The following RP1L1 variants were observed in gnomAD, a reference collection of about 807,000 sequenced individuals.
The protein encoded by RP1L1 is retinitis pigmentosa 1-like 1 protein.
In RP1L1, 27 loss-of-function variants were observed where a neutral mutation model predicts 15.7. The ratio of observed to expected loss-of-function variants is 1.72; its 90% CI spans 1.27 to 2.38. The LOEUF (loss-of-function observed/expected upper bound fraction) is 2.38. RP1L1 is among the 30% of genes most tolerant of loss of function. The pLI is 0.00. For synonymous variants in RP1L1, 1,813 were observed against 1,276.7 expected, an observed-to-expected ratio of 1.42 and a Z score of -8.96; for missense variants, 4,798 against 3,075.9, an observed-to-expected ratio of 1.56 and a Z score of -13.24.
At position 10,610,905 on chromosome 8, in the gene RP1L1, G is replaced by A. The variant is rs1454207117; in HGVS notation, c.3193C>T (p.Pro1065Ser). 1 of 1,610,882 alleles carries A rather than the reference G, an allele frequency of 6.2e-7. No individual in the cohort carries two copies. The change falls in exon 4 of 4, where the codon CCA becomes TCA. Residue 1065 changes from proline (P) to serine (S), a missense_variant. By Grantham distance (74) the Pro-to-Ser change is moderately conservative (BLOSUM62 -1). Transcript: ENST00000382483. ...PAEAGADREAPAGCRVSLRAL... is the reference protein window; with the variant it reads ...PAEAGADREASAGCRVSLRAL... ...CGCAGGCTCACCCTGCAGCCTGCTGGGGCCTCTCTGTCTGCTCCGGCCTCT... is the reference window on the plus strand; with the variant it reads ...CGCAGGCTCACCCTGCAGCCTGCTGAGGCCTCTCTGTCTGCTCCGGCCTCT...
chr8:10,609,303 G>A lies in RP1L1; in HGVS notation c.4795C>T (p.Leu1599=). Reference sequence around the variant, plus strand: ...CTGCGCTGCTGGGTCTGCAGGAGCAGCTCCCCGGTGAGGGCCTCCCTTGGA... The same window carrying A: ...CTGCGCTGCTGGGTCTGCAGGAGCAACTCCCCGGTGAGGGCCTCCCTTGGA... ...EPPREALTGE[L]LLQTQQRRHR... is the part of the protein sequence containing the mutation. Residue 1599 remains leucine (L), a synonymous_variant, in exon 4 of 4, where the codon CTG becomes TTG. Coordinates refer to ENST00000382483, the MANE Select transcript of RP1L1 (RefSeq NM_178857.6). 1 of 1,611,174 alleles carries A rather than the reference G, an allele frequency of 6.2e-7. No individual in the cohort carries two copies. The highest frequency in any genetic ancestry group is 8.5e-7 in the Non-Finnish European group (1 of 1,179,714).
At position 10,612,738 on chromosome 8, in the gene RP1L1, T is replaced by G. The variant is rs1797889924; in HGVS notation, c.1360A>C (p.Ser454Arg). The G allele has an allele frequency of 6.2e-7, 1 of 1,607,076 alleles. No individual in the cohort carries two copies. Among genetic ancestry groups the G allele is most frequent in the African/African-American group, 1.3e-5 (1 of 74,898 alleles). Residue 454 changes from serine to arginine, a missense_variant, in exon 4 of 4, where the codon AGC (serine) becomes CGC (arginine). Physicochemically the swap from Ser to Arg is moderately radical, Grantham distance 110. Transcript: ENST00000382483. Reference sequence around the variant, plus strand: ...GGGAGGCCGGTGCTGGAGGCTGGGCTGGCACTGTCCTGGCTGCATCTCTCC... The same window carrying G: ...GGGAGGCCGGTGCTGGAGGCTGGGCGGGCACTGTCCTGGCTGCATCTCTCC... ...GRERCSQDSA[S>R]PASSTGLPEG...
At chr8:10,629,201 T>A (rs1036171462) in intron 1 of RP1L1, among the ~76,000 whole-genome samples, 33 of 152,070 alleles carry the variant, frequency 2.2e-4, no homozygotes, top group Non-Finnish European at 7.4e-5. Flanking sequence ...AGGAAACATA[T>A]AAACAGCCAA....
chr8:10,610,248 T>G lies in RP1L1; in HGVS notation c.3850A>C (p.Arg1284=). The G allele has an allele frequency of 6.2e-7, 1 of 1,613,980 alleles. No individual in the cohort carries two copies. The highest frequency in any genetic ancestry group is 1.1e-5 in the South Asian group (1 of 91,060). Residue 1284 remains arginine, a synonymous_variant, in exon 4 of 4, where the codon AGG becomes CGG. Coordinates refer to ENST00000382483, the MANE Select transcript of RP1L1 (RefSeq NM_178857.6). ...DEAERDSEEQ[R]ASSNLEQLAE... ...AACTGCTCCAGGTTCGAGCTCGCCC[T>G]CTGCTCCTCACTGTCTCTTTCTGCT... is the stretch of plus-strand genomic sequence containing the variant.
In RP1L1 at chr8:10,608,503, C is replaced by G. The variant is rs907076395; in HGVS notation, c.5595G>C (p.Gly1865=). ...CATCTTCTGACTCTGGCTGGGCCTCCCCTTCAGCCTCCTGGGCATCCCCTT... is the reference window on the plus strand; with the variant it reads ...CATCTTCTGACTCTGGCTGGGCCTCGCCTTCAGCCTCCTGGGCATCCCCTT... ...EAEGDAQEAE[G]EAQPESEDVE... Residue 1865 remains glycine (G), a synonymous_variant, in exon 4 of 4, where the codon GGG becomes GGC. Coordinates refer to ENST00000382483, the MANE Select transcript of RP1L1 (RefSeq NM_178857.6). 5 of 1,311,024 alleles carry G rather than the reference C, an allele frequency of 3.8e-6. No homozygotes were observed. The highest frequency in any genetic ancestry group is 3.2e-6 in the Non-Finnish European group (3 of 927,696). The allele number at this position is 1,311,024 out of a possible 1,614,324, so 81.2% of individuals were successfully genotyped here.
At chr8:10,653,046 G>A (rs978383704) in intron 1 of RP1L1, among the ~76,000 whole-genome samples, 6 of 152,158 alleles carry the variant, frequency 3.9e-5, no homozygotes, top group African/African-American at 1.4e-4. Context: ...TGTGTGGCTG[G>A]GTTGTATCAG....
At chr8:10,643,885 C>T (rs551586266) in intron 1 of RP1L1, among the ~76,000 whole-genome samples, 2 of 151,820 alleles carry the variant, frequency 1.3e-5, no homozygotes, top group African/African-American at 4.8e-5. Flanking sequence ...CAGAGTGTTA[C>T]CAGAAACTGA....
chr8:10,655,058 G>A lies in RP1L1; in HGVS notation c.-180C>T, dbSNP rs1304104202. The stretch of plus-strand genomic sequence containing the variant: ...CACCCTCCTCCGGACAGTCCTCGGG[G>A]CCACTCTCCTTGGCCTGAGAGCCTG... On this transcript the variant is annotated 5_prime_UTR_variant, in exon 1 of 4. Transcript: ENST00000382483. 6.5e-6 allele frequency: 1 copy of A among 152,756 alleles called. No individual in the cohort carries two copies. Among genetic ancestry groups the A allele is most frequent in the Non-Finnish European group, 1.5e-5 (1 of 68,146 alleles). The allele number at this position is 152,756 out of a possible 1,614,324, so 9.5% of individuals were successfully genotyped here.
chr8:10,622,008 T>C (rs1307606985), intron 2 of RP1L1, among the ~76,000 whole-genome samples: 3 of 152,168 alleles, frequency 2.0e-5, no homozygotes, highest in Non-Finnish European at 4.4e-5. Context: ...TAATAGGTTA[T>C]TGGATAAGAC....
At position 10,612,318 on chromosome 8, in the gene RP1L1, G is replaced by A. The variant is rs533607765; in HGVS notation, c.1780C>T (p.Gln594Ter). Residue 594 changes from glutamine (Q) to a stop codon, truncating the protein, a stop_gained, in exon 4 of 4, where the codon CAA becomes TAA. Transcript: ENST00000382483. LOFTEE classifies it low-confidence loss of function (END_TRUNC). ...GTGGCCTGCTCGGTGCCCTGTCCTTGCGTCTCTGCCTGCAGGTCGTCACTC... is the reference window on the plus strand; with the variant it reads ...GTGGCCTGCTCGGTGCCCTGTCCTTACGTCTCTGCCTGCAGGTCGTCACTC... ...LRSDDLQAET[Q>*]GQGTEQATGA... is the part of the protein sequence containing the mutation. 6 of 1,613,202 alleles carry A rather than the reference G, an allele frequency of 3.7e-6. No homozygotes were observed. Among genetic ancestry groups the A allele is most frequent in the Non-Finnish European group, 4.2e-6 (5 of 1,180,018 alleles).
chr8:10,635,900 C>T (rs1163966483), intron 1 of RP1L1, among the ~76,000 whole-genome samples: 1 of 152,220 alleles, frequency 6.6e-6, no homozygotes, highest in African/African-American at 2.4e-5. Context: ...TGGAAGATCC[C>T]CCGGGTCAGT....
chr8:10,654,012 T>C (rs559624338), intron 1 of RP1L1, among the ~76,000 whole-genome samples: 1 of 152,236 alleles, frequency 6.6e-6, no homozygotes, highest in South Asian at 2.1e-4. Flanking sequence ...GGGGATGAGC[T>C]GGCTGTGGGG....
chr8:10,620,366 G>C (rs1472898680), intron 2 of RP1L1, among the ~76,000 whole-genome samples: 1 of 152,152 alleles, frequency 6.6e-6, no homozygotes, highest in African/African-American at 2.4e-5. Flanking sequence ...AGCACTTTGG[G>C]AGGCCGAGGC....
chr8:10,610,611 C>G lies in RP1L1; in HGVS notation c.3487G>C (p.Val1163Leu), dbSNP rs752132792. The G allele has an allele frequency of 2.4e-5, 39 of 1,613,488 alleles. No homozygotes were observed. The highest frequency in any genetic ancestry group is 3.3e-5 in the Admixed American group (2 of 60,010). Reference protein sequence around the residue: ...ISKDLWPGCDVGEDQLDSGLW... With the variant: ...ISKDLWPGCDLGEDQLDSGLW... ...CCTGAGTCCAGCTGGTCTTCCCCAA[C>G]GTCACATCCTGGCCACAGGTCCTTC... The change falls in exon 4 of 4, where the codon GTT becomes CTT. Residue 1163 changes from valine to leucine, a missense_variant. Transcript: ENST00000382483.
chr8:10,618,874 G>C (rs1798014482), intron 2 of RP1L1, among the ~76,000 whole-genome samples: 1 of 151,978 alleles, frequency 6.6e-6, no homozygotes, highest in East Asian at 1.9e-4. Context: ...TTGTTTGTTT[G>C]TTTGTTTTCT....
chr8:10,606,930 C>T lies in RP1L1; in HGVS notation c.7168G>A (p.Ala2390Thr), dbSNP rs754858933. The change falls in exon 4 of 4, where the codon GCA becomes ACA. Residue 2390 changes from alanine to threonine, a missense_variant. By Grantham distance (58) the Ala-to-Thr change is moderately conservative. Transcript: ENST00000382483. ...AAGTCATCTTGGCCAAAGCCGTCTG[C>T]CCTGCCCACTGCCTCAGTGGGGGCG... The part of the protein sequence containing the change: ...SLAPTEAVGR[A>T]DGFGQDDLDF The T allele has an allele frequency of 1.2e-6, 2 of 1,614,268 alleles. No individual in the cohort carries two copies. The highest frequency in any genetic ancestry group is 1.1e-5 in the South Asian group (1 of 91,084).
intron 1 of RP1L1, among the ~76,000 whole-genome samples, chr8:10,643,716 G>C (rs1479309307): frequency 1.3e-5 from 2 of 152,028 alleles, no homozygotes; most frequent in African/African-American, 4.8e-5. Context: ...GAAGATCCTG[G>C]TGCTGCCAAA....
Position 10,610,427 on chromosome 8 carries a change from AC to A in RP1L1, c.3670del (p.Val1224Ter), listed in dbSNP as rs1563122999. The A allele has an allele frequency of 6.2e-7, 1 of 1,613,740 alleles. No individual in the cohort carries two copies. Among genetic ancestry groups the A allele is most frequent in the Non-Finnish European group, 8.5e-7 (1 of 1,179,998 alleles). On this transcript the variant is annotated frameshift_variant, in exon 4 of 4. Transcript: ENST00000382483. LOFTEE classifies it low-confidence loss of function (END_TRUNC). ...SVPCAMDGTLVTQGTELPLKT... is the reference protein window; with the variant it reads ...SVPCAMDGTLXTQGTELPLKT... ...CAGGGGCAGCTCTGTCCCCTGTGTC[AC>A]CAGGGTGCCGTCCATGGCACAGGGT... is the stretch of plus-strand genomic sequence containing the variant.
At position 10,607,599 on chromosome 8, in the gene RP1L1, G is replaced by A; in HGVS notation, c.6499C>T (p.Gln2167Ter). The A allele has an allele frequency of 6.3e-7, 1 of 1,588,230 alleles. No homozygotes were observed. The highest frequency in any genetic ancestry group is 2.3e-5 in the East Asian group (1 of 44,284). The change falls in exon 4 of 4, where the codon CAG (glutamine) becomes TAG (stop). Residue 2167 changes from glutamine (Q) to a stop codon, truncating the protein, a stop_gained. Transcript: ENST00000382483. LOFTEE classifies it low-confidence loss of function (END_TRUNC). The part of the protein sequence containing the change: ...AQPESEGIEA[Q>*]EAEEEAQPEL... ...GGTTGGGCCTCCTCTTCAGCCTCCT[G>A]GGCCTCTATACCTTCTGACTCTGGC...
Sources: gnomAD v4.1 joint callset for allele counts (sites outside exome capture counted in the v4.1 genomes callset) on GRCh38, gnomAD v4.1.1 for gene constraint, MANE v1.5 for transcripts, NCBI Gene and HGNC (gene_info 2026-07-23, HGNC 2026-07-21) for gene names.